The following PRELID2 variants were observed in gnomAD, a reference collection of about 807,000 sequenced individuals.
PRELID2 encodes PRELI domain-containing protein 2.
A neutral mutation model predicts 28.4 loss-of-function variants in PRELID2; 25 were observed. The ratio of observed to expected loss-of-function variants is 0.88; its 90% CI spans 0.64 to 1.23. PRELID2 has a LOEUF of 1.23. Ranked by LOEUF, PRELID2 falls within the 50% of genes most tolerant of loss-of-function variation. The pLI, the probability that PRELID2 is intolerant of heterozygous loss-of-function variation, is 0.00. For missense variants in PRELID2, 201 were observed against 214.4 expected (o/e 0.94, Z 0.39); for synonymous variants, 76 against 71.6 (o/e 1.06, Z -0.31).
At chr5:145,479,854 G>T (rs1752141040) in intron 1 of PRELID2, among the ~76,000 whole-genome samples, 1 of 152,100 alleles carries the variant, frequency 6.6e-6, no homozygotes, top group Non-Finnish European at 1.5e-5. Flanking sequence ...ACAAAAAAGG[G>T]GGGTAAGATA....
intron 1 of PRELID2, among the ~76,000 whole-genome samples, chr5:145,571,901 G>C (rs1408123916): frequency 6.6e-6 from 1 of 150,792 alleles, no homozygotes. Context: ...AGAATGGCGT[G>C]AACCCAGGAG....
chr5:145,346,657 A>G, the PRELID2 span, among the ~76,000 whole-genome samples: 2 of 152,124 alleles, frequency 1.3e-5, no homozygotes, highest in Non-Finnish European at 2.9e-5. Flanking sequence ...CTATTTCTAC[A>G]CTGTCAGAGT....
At position 145,835,240 on chromosome 5, in the gene PRELID2, C is replaced by A; in HGVS notation, c.12G>T (p.Ser4=). 1.3e-6 allele frequency: 2 copies of A among 1,548,084 alleles called. No homozygotes were observed. The highest frequency in any genetic ancestry group is 1.7e-6 in the Non-Finnish European group (2 of 1,144,868). Residue 4 remains serine (S), a synonymous_variant, in exon 1 of 7, where the codon TCG becomes TCT. Coordinates refer to ENST00000683046, the MANE Select transcript of PRELID2 (RefSeq NM_205846.3). MGV[S]VDVHQVYKYP... is the part of the protein sequence containing the mutation. Reference sequence around the variant, plus strand: ...ACTTGTACACCTGGTGCACATCCACCGAGACCCCCATCCCCGCGCGCCGCG... The same window carrying A: ...ACTTGTACACCTGGTGCACATCCACAGAGACCCCCATCCCCGCGCGCCGCG...
chr5:145,493,589 A>G (rs568189065), intron 1 of PRELID2, among the ~76,000 whole-genome samples: 1 of 152,206 alleles, frequency 6.6e-6, no homozygotes. Context: ...TCACCTCCCA[A>G]GTCTCTGCTC....
intron 1 of PRELID2, among the ~76,000 whole-genome samples, chr5:145,628,914 A>T (rs929986771): frequency 2.0e-5 from 3 of 152,216 alleles, no homozygotes; most frequent in Non-Finnish European, 4.4e-5. Context: ...AAGATAAAAA[A>T]TGCTTTTAGC....
intron 1 of PRELID2, among the ~76,000 whole-genome samples, chr5:145,534,849 T>C (rs1752685975): frequency 6.6e-6 from 1 of 151,980 alleles, no homozygotes; most frequent in Non-Finnish European, 1.5e-5. Context: ...TTCCAGACTG[T>C]AACTAGAGCC....
At chr5:145,720,785 GA>G (rs1043913665) in intron 1 of PRELID2, among the ~76,000 whole-genome samples, 88 of 151,458 alleles carry the variant, frequency 5.8e-4, no homozygotes, top group African/African-American at 2.1e-3. Context: ...AAAATAATCT[GA>G]AAAAAAAGTG....
At chr5:145,408,485 T>C in the PRELID2 span, among the ~76,000 whole-genome samples, 3 of 147,260 alleles carry the variant, frequency 2.0e-5, no homozygotes, top group Non-Finnish European at 1.5e-5. Context: ...GTATTATATA[T>C]AGGGGATTGA....
chr5:145,420,037 T>C, the PRELID2 span, among the ~76,000 whole-genome samples: 5 of 152,008 alleles, frequency 3.3e-5, no homozygotes, highest in African/African-American at 9.7e-5. Context: ...GATCAGATAG[T>C]TGTAGATATG....
chr5:145,740,649 T>A (rs1458720155), intron 1 of PRELID2, among the ~76,000 whole-genome samples: 1 of 111,688 alleles, frequency 9.0e-6, no homozygotes, highest in Non-Finnish European at 1.7e-5. Flanking sequence ...ATATATATAT[T>A]TTATATATAA....
chr5:145,760,848 G>C (rs928329945), intron 6 of PRELID2, among the ~76,000 whole-genome samples: 8 of 152,188 alleles, frequency 5.3e-5, no homozygotes, highest in Non-Finnish European at 1.2e-4. Flanking sequence ...CCAGTGGCAA[G>C]AACAGACAGC....
the PRELID2 span, among the ~76,000 whole-genome samples, chr5:145,365,685 C>T: frequency 1.1e-4 from 17 of 151,858 alleles, no homozygotes; most frequent in African/African-American, 4.1e-4. Flanking sequence ...AGAGACAGAT[C>T]ATGGTCTATA....
chr5:145,695,268 G>A (rs958049754), intron 1 of PRELID2, among the ~76,000 whole-genome samples: 3 of 152,160 alleles, frequency 2.0e-5, no homozygotes, highest in Non-Finnish European at 2.9e-5. Context: ...AGTCAGTCAC[G>A]TCAAGAGGCA....
chr5:145,398,551 G>T, the PRELID2 span, among the ~76,000 whole-genome samples: 1 of 152,028 alleles, frequency 6.6e-6, no homozygotes, highest in Non-Finnish European at 1.5e-5. Flanking sequence ...GAGAGGATAA[G>T]ACAGGGGCCA....
intron 1 of PRELID2, among the ~76,000 whole-genome samples, chr5:145,558,922 A>G (rs569910674): frequency 6.6e-6 from 1 of 152,330 alleles, no homozygotes; most frequent in Admixed American, 6.5e-5. Context: ...TCTATTCTAT[A>G]AAAATGTTTG....
At chr5:145,581,565 A>G (rs1309543954) in intron 1 of PRELID2, among the ~76,000 whole-genome samples, 1 of 151,862 alleles carries the variant, frequency 6.6e-6, no homozygotes, top group African/African-American at 2.4e-5. Context: ...ATCCTTTCCT[A>G]TTTCTGAGTT....
chr5:145,383,468 A>T, the PRELID2 span, among the ~76,000 whole-genome samples: 1 of 151,458 alleles, frequency 6.6e-6, no homozygotes, highest in Non-Finnish European at 1.5e-5. Flanking sequence ...CTAGTAAACT[A>T]ATAATCAAAT....
the PRELID2 span, among the ~76,000 whole-genome samples, chr5:145,280,417 T>A: frequency 1.3e-5 from 2 of 152,132 alleles, no homozygotes; most frequent in Admixed American, 1.3e-4. Context: ...AACAGAGTAG[T>A]GATGTATGGC....
the PRELID2 span, among the ~76,000 whole-genome samples, chr5:145,350,390 A>G: frequency 2.6e-5 from 4 of 152,198 alleles, no homozygotes; most frequent in Admixed American, 1.3e-4. Flanking sequence ...CAAGAAAGGC[A>G]CAGGGCTCCA....
Sources: allele counts gnomAD v4.1 joint callset (sites outside exome capture counted in the v4.1 genomes callset), GRCh38; gene constraint gnomAD v4.1.1; transcripts MANE v1.5; gene names NCBI Gene and HGNC (gene_info 2026-07-23, HGNC 2026-07-21).